CDH18: variants seen among roughly 807,000 people sequenced by gnomAD.
CDH18 encodes the protein cadherin-18.
CDH18 carries 31 observed loss-of-function variants against 67.9 expected under a neutral mutation model. That is an observed-to-expected ratio of 0.46 (90% CI 0.34 to 0.62). CDH18 has a LOEUF of 0.62. CDH18 is among the 20% of genes least tolerant of loss of function. The pLI, the probability that CDH18 is intolerant of heterozygous loss-of-function variation, is 0.01. For missense variants in CDH18, 890 were observed against 975.5 expected (o/e 0.91, Z 1.17); for synonymous variants, 362 against 347.2 (o/e 1.04, Z -0.48).
chr5:19,808,939 A>C (rs1561345385), intron 3 of CDH18, among the ~76,000 whole-genome samples: 1 of 151,994 alleles, frequency 6.6e-6, no homozygotes, highest in Non-Finnish European at 1.5e-5. Flanking sequence ...ATATTTGGGA[A>C]TATTTTAGAA....
intron 3 of CDH18, among the ~76,000 whole-genome samples, chr5:19,752,592 C>T (rs889840761): frequency 6.6e-6 from 1 of 152,146 alleles, no homozygotes; most frequent in African/African-American, 2.4e-5. Context: ...CTTCCCTACC[C>T]ATCCTGGTAA....
intron 2 of CDH18, among the ~76,000 whole-genome samples, chr5:20,035,276 T>C (rs1313486645): frequency 3.3e-5 from 5 of 152,020 alleles, no homozygotes; most frequent in Admixed American, 2.6e-4. Flanking sequence ...GTCCATGCAA[T>C]TTATTATATG....
At chr5:20,521,035 A>C (rs1004315335) in intron 1 of CDH18, among the ~76,000 whole-genome samples, 8 of 152,128 alleles carry the variant, frequency 5.3e-5, no homozygotes, top group African/African-American at 1.9e-4. Context: ...TGGAGAAAAA[A>C]AATTTTAATT....
chr5:20,181,967 G>A (rs1477918737), intron 2 of CDH18, among the ~76,000 whole-genome samples: 4 of 152,000 alleles, frequency 2.6e-5, no homozygotes, highest in African/African-American at 9.7e-5. Context: ...TTTATATAAG[G>A]ATCCCTAAGT....
intron 1 of CDH18, among the ~76,000 whole-genome samples, chr5:20,411,796 C>CA (rs34448304): frequency 0.53 from 80,843 of 151,278 alleles, 22,903 homozygotes; most frequent in Middle Eastern, 0.68. Flanking sequence ...CCCCTGCCCA[C>CA]AAAAAAATAC....
intron 5 of CDH18, among the ~76,000 whole-genome samples, chr5:19,690,073 ATG>A (rs1046450758): frequency 2.8e-5 from 4 of 142,118 alleles, no homozygotes; most frequent in South Asian, 2.2e-4. Context: ...TATATTATAT[ATG>A]TGTGTGTGTA....
chr5:19,489,340 C>T (rs1310399250), intron 11 of CDH18, among the ~76,000 whole-genome samples: 9 of 151,044 alleles, frequency 6.0e-5, no homozygotes, highest in African/African-American at 9.8e-5. Context: ...CTCCACCTCC[C>T]GGGTTCAAGC....
At chr5:20,121,116 G>T (rs1486639113) in intron 2 of CDH18, among the ~76,000 whole-genome samples, 4 of 152,128 alleles carry the variant, frequency 2.6e-5, no homozygotes, top group Non-Finnish European at 5.9e-5. Flanking sequence ...TTGGAAATTT[G>T]TAATGTTTTA....
intron 2 of CDH18, among the ~76,000 whole-genome samples, chr5:19,886,651 T>C (rs1579432989): frequency 6.6e-6 from 1 of 152,134 alleles, no homozygotes; most frequent in South Asian, 2.1e-4. Context: ...ATGACATATA[T>C]AGGAGGGTGG....
chr5:19,511,075 G>A (rs1294395439), intron 10 of CDH18, among the ~76,000 whole-genome samples: 1 of 152,100 alleles, frequency 6.6e-6, no homozygotes, highest in Admixed American at 6.5e-5. Flanking sequence ...GCCTCCCAAA[G>A]TACTGGGATT....
chr5:19,487,246 TTAGA>T (rs1740553217), intron 11 of CDH18, among the ~76,000 whole-genome samples: 3 of 152,240 alleles, frequency 2.0e-5, no homozygotes, highest in Middle Eastern at 3.4e-3. Flanking sequence ...GATAGATAGA[TTAGA>T]TAGACAAATA....
intron 1 of CDH18, among the ~76,000 whole-genome samples, chr5:20,510,075 A>G (rs931859284): frequency 1.3e-5 from 2 of 152,072 alleles, no homozygotes; most frequent in Admixed American, 1.3e-4. Flanking sequence ...CTTTTTGGTA[A>G]TAGCCAACCT....
intron 2 of CDH18, among the ~76,000 whole-genome samples, chr5:20,202,424 C>G (rs1739522296): frequency 6.6e-6 from 1 of 152,080 alleles, no homozygotes; most frequent in African/African-American, 2.4e-5. Flanking sequence ...CAAAGTTGCT[C>G]TGTAGCTTTG....
At chr5:20,202,513 G>T (rs941170606) in intron 2 of CDH18, among the ~76,000 whole-genome samples, 3 of 151,844 alleles carry the variant, frequency 2.0e-5, no homozygotes, top group Non-Finnish European at 4.4e-5. Context: ...TTTTGATATT[G>T]TACTGGTGTA....
At chr5:20,432,152 A>T (rs1490606187) in intron 1 of CDH18, among the ~76,000 whole-genome samples, 1 of 152,188 alleles carries the variant, frequency 6.6e-6, no homozygotes, top group Non-Finnish European at 1.5e-5. Context: ...AGCATGTATA[A>T]GTTTAGGGGT....
intron 2 of CDH18, among the ~76,000 whole-genome samples, chr5:19,916,764 G>A (rs1460418260): frequency 1.3e-5 from 2 of 152,048 alleles, no homozygotes; most frequent in Non-Finnish European, 2.9e-5. Flanking sequence ...AGTCTGTGAA[G>A]GGCGTTTAAT....
chr5:20,016,439 A>C (rs1349190129), intron 2 of CDH18, among the ~76,000 whole-genome samples: 1 of 152,142 alleles, frequency 6.6e-6, no homozygotes, highest in Non-Finnish European at 1.5e-5. Flanking sequence ...TATAAATTGC[A>C]CATGTACCCC....
At chr5:20,086,179 C>G (rs1314998571) in intron 2 of CDH18, among the ~76,000 whole-genome samples, 4 of 152,252 alleles carry the variant, frequency 2.6e-5, no homozygotes, top group Non-Finnish European at 5.9e-5. Context: ...ATCAAACTAG[C>G]CACATTACCT....
rs1561436973 is a variant in CDH18 at position 19,849,615 on chromosome 5, TATATATATAAACATATATATACACGC to T, written c.-256-10399_-256-10374del. On this transcript the variant is annotated intron_variant, in intron 2 of 12. Coordinates refer to ENST00000382275, the MANE Select transcript of CDH18 (RefSeq NM_004934.5). ...ATATATAAACATATATATACACGCA[TATATATATAAACATATATATACACGC>T]ATATATATATAAACATATATATATA... 5.4e-5 allele frequency among the ~76,000 whole-genome samples: 5 copies of T among 92,096 alleles called. 1 individual carries two copies. The East Asian group carries it at 1.7e-3, about 31-fold the overall frequency. 60.4% of individuals were successfully genotyped at this position (92,096 alleles called of 152,430 possible). A position where few individuals can be genotyped will look rare whatever the true frequency, so the allele number is the denominator to read the frequency against.
Sources: allele counts gnomAD v4.1 joint callset (sites outside exome capture counted in the v4.1 genomes callset), GRCh38; gene constraint gnomAD v4.1.1; transcripts MANE v1.5; gene names NCBI Gene and HGNC (gene_info 2026-07-23, HGNC 2026-07-21).